Variants in ITGA9 observed in about 807,000 individuals in gnomAD.
The protein encoded by ITGA9 is integrin alpha-9.
In ITGA9, 56 loss-of-function variants were observed where a neutral mutation model predicts 127.8. That is an observed-to-expected ratio of 0.44 (90% CI 0.35 to 0.55). ITGA9 has a LOEUF of 0.55. ITGA9 is among the 20% of genes least tolerant of loss of function. The pLI is 0.00. For synonymous variants in ITGA9, 508 were observed against 514.5 expected, an observed-to-expected ratio of 0.99 and a Z score of 0.17; for missense variants, 1,196 against 1,347.1, an observed-to-expected ratio of 0.89 and a Z score of 1.76.
intron 8 of ITGA9, among the ~76,000 whole-genome samples, chr3:37,509,398 G>A (rs1268552151): frequency 1.3e-5 from 2 of 152,030 alleles, no homozygotes; most frequent in Non-Finnish European, 2.9e-5. Flanking sequence ...TACTCTAAGG[G>A]ACACAAGTTT....
At chr3:37,812,112 C>T (rs1171224074) in intron 27 of ITGA9, among the ~76,000 whole-genome samples, 1 of 152,196 alleles carries the variant, frequency 6.6e-6, no homozygotes, top group Non-Finnish European at 1.5e-5. Context: ...TGAACAGACA[C>T]ATGCCCATGT....
chr3:37,727,523 G>C (rs536089875), intron 18 of ITGA9, among the ~76,000 whole-genome samples: 4 of 152,292 alleles, frequency 2.6e-5, no homozygotes, highest in African/African-American at 9.6e-5. Flanking sequence ...TTATTCAGTG[G>C]CACTCAAAAC....
intron 17 of ITGA9, among the ~76,000 whole-genome samples, chr3:37,683,560 G>A (rs1022722367): frequency 1.3e-5 from 2 of 152,334 alleles, no homozygotes; most frequent in East Asian, 3.9e-4. Flanking sequence ...ATGAATTCAT[G>A]TACAAATGAA....
intron 15 of ITGA9, among the ~76,000 whole-genome samples, chr3:37,599,938 A>G (rs1699901872): frequency 6.6e-6 from 1 of 152,204 alleles, no homozygotes; most frequent in African/African-American, 2.4e-5. Flanking sequence ...TAATGGTATA[A>G]TATGAACTCA....
chr3:37,729,203 G>C (rs144548807), intron 18 of ITGA9, among the ~76,000 whole-genome samples: 1 of 152,256 alleles, frequency 6.6e-6, no homozygotes, highest in Admixed American at 6.5e-5. Flanking sequence ...AATCACAGTA[G>C]TAGAAGAGAG....
rs556982716 is a variant in ITGA9, at chr3:37,799,370, G to A, written c.2890-4453G>A. Among the ~76,000 whole-genome samples, 8 of 152,102 alleles carry A rather than the reference G, an allele frequency of 5.3e-5. No individual in the cohort carries two copies. The South Asian group carries it at 8.3e-4, about 16-fold the overall frequency. On this transcript the variant is annotated intron_variant, in intron 26 of 27. Coordinates refer to ENST00000264741, the MANE Select transcript of ITGA9 (RefSeq NM_002207.3). The surrounding 1 kb of genome is among the most constrained non-coding windows in gnomAD (Gnocchi z 4.0). ...ATTTTTGTATTTTTAGTAGACACGA[G>A]GTTTCACCATGTTGGCCAGACTGGT...
intron 17 of ITGA9, among the ~76,000 whole-genome samples, chr3:37,671,060 G>C (rs1207381265): frequency 6.6e-6 from 1 of 152,244 alleles, no homozygotes; most frequent in Non-Finnish European, 1.5e-5. Context: ...CCCTTGCCGG[G>C]TCAAGTCATA....
chr3:37,578,592 T>C (rs1699675578), intron 15 of ITGA9, among the ~76,000 whole-genome samples: 1 of 152,202 alleles, frequency 6.6e-6, no homozygotes, highest in African/African-American at 2.4e-5. Flanking sequence ...CTTGCTTACA[T>C]CTACTAACTG....
rs781497892 is a variant in ITGA9 at position 37,519,327 on chromosome 3, C to T, written c.1209C>T (p.Ala403=). 57 of 1,613,842 alleles carry T rather than the reference C, an allele frequency of 3.5e-5. No individual in the cohort carries two copies. Among genetic ancestry groups the T allele is most frequent in the South Asian group, 4.4e-5 (4 of 91,062 alleles). ...AGAVYIYHGD[A]GGIVPQYSMK... is the part of the protein sequence containing the mutation. ...CGGTCTATATCTATCATGGTGATGC[C>T]GGTGGGATAGTCCCTCAGTACTCAA... Residue 403 remains alanine (A), a synonymous_variant, in exon 11 of 28, where the codon GCC becomes GCT. Coordinates refer to ENST00000264741, the MANE Select transcript of ITGA9 (RefSeq NM_002207.3).
intron 15 of ITGA9, among the ~76,000 whole-genome samples, chr3:37,574,083 A>G (rs1196464000): frequency 6.6e-6 from 1 of 152,206 alleles, no homozygotes; most frequent in Non-Finnish European, 1.5e-5. Flanking sequence ...ATCCCAGTCA[A>G]TGTCCTGTCT....
intron 16 of ITGA9, among the ~76,000 whole-genome samples, chr3:37,639,492 A>T (rs1169871851): frequency 6.6e-6 from 1 of 152,190 alleles, no homozygotes; most frequent in Admixed American, 6.5e-5. Flanking sequence ...GGGCTGATGG[A>T]TGCTAAAGGT....
Position 37,790,393 on chromosome 3 carries a change from G to A in ITGA9, c.2889+5315G>A, listed in dbSNP as rs188006834. 3 of 481,820 alleles carry A rather than the reference G, an allele frequency of 6.2e-6. No homozygotes were observed. The Admixed American group carries it at 6.9e-5, about 11-fold the overall frequency. 29.8% of individuals were successfully genotyped at this position (481,820 alleles called of 1,614,324 possible). Reference sequence around the variant, plus strand: ...CTTCATCTTGCTGATTTCCCATTCTGCTCGGTTCTCTCGGTTGGAATGCCT... The same window carrying A: ...CTTCATCTTGCTGATTTCCCATTCTACTCGGTTCTCTCGGTTGGAATGCCT... On this transcript the variant is annotated intron_variant, in intron 26 of 27. Transcript: ENST00000264741.
chr3:37,779,085 GATTT>G (rs1398992224), intron 24 of ITGA9, among the ~76,000 whole-genome samples: 5 of 152,060 alleles, frequency 3.3e-5, no homozygotes, highest in Admixed American at 3.3e-4. Context: ...TTAAATTTGG[GATTT>G]ATGTTTTTGG....
chr3:37,460,659 G>A (rs181300636), intron 1 of ITGA9, among the ~76,000 whole-genome samples: 181 of 147,470 alleles, frequency 1.2e-3, no homozygotes, highest in Non-Finnish European at 2.1e-3. Context: ...GTGCGATCTC[G>A]GCTCACTGCG....
At chr3:37,502,467 G>A (rs542359160) in intron 5 of ITGA9, among the ~76,000 whole-genome samples, 8 of 151,974 alleles carry the variant, frequency 5.3e-5, no homozygotes, top group East Asian at 3.9e-4. Flanking sequence ...CACCCGCCTC[G>A]GCCTCCCAAA....
chr3:37,584,317 C>G (rs1467967166), intron 15 of ITGA9, among the ~76,000 whole-genome samples: 1 of 152,170 alleles, frequency 6.6e-6, no homozygotes, highest in African/African-American at 2.4e-5. Flanking sequence ...AGAACTGGCA[C>G]TATCACTTCT....
intron 15 of ITGA9, among the ~76,000 whole-genome samples, chr3:37,573,698 T>C (rs1399267316): frequency 6.6e-6 from 1 of 152,178 alleles, no homozygotes. Flanking sequence ...TTCTGTGATC[T>C]GGCAATAGCT....
In ITGA9 at chr3:37,452,448, TC is replaced by T. The variant is rs1698202188; in HGVS notation, c.78del (p.Ala27ArgfsTer52). 7.4e-6 allele frequency: 11 copies of T among 1,479,128 alleles called. No homozygotes were observed. The highest frequency in any genetic ancestry group is 9.0e-6 in the Non-Finnish European group (10 of 1,113,878). The allele number at this position is 1,479,128 out of a possible 1,614,324, so 91.6% of individuals were successfully genotyped here. On this transcript the variant is annotated frameshift_variant, in exon 1 of 28. Coordinates refer to ENST00000264741, the MANE Select transcript of ITGA9 (RefSeq NM_002207.3). LOFTEE classifies it high-confidence loss of function. The surrounding 1 kb of genome is among the most constrained non-coding windows in gnomAD (Gnocchi z 7.3). ...CTGCTGGCGCTGGTGGTCGCGGGGA[TC>T]CCCGCGGGCGCCTACAACCTCGACC... Reference protein sequence around the residue: ...ALLLALVVAGIPAGAYNLDPQ... With the variant: ...ALLLALVVAGXPAGAYNLDPQ...
intron 18 of ITGA9, among the ~76,000 whole-genome samples, chr3:37,706,021 CAAAA>C: frequency 6.6e-6 from 1 of 152,158 alleles, no homozygotes; most frequent in African/African-American, 2.4e-5. Flanking sequence ...TTGGAGGCAG[CAAAA>C]AGTGGAAAGA....
Sources: gnomAD v4.1 joint callset for allele counts (sites outside exome capture counted in the v4.1 genomes callset) on GRCh38, gnomAD v4.1.1 for gene constraint, Gnocchi (gnomAD v3.1) non-coding constraint, MANE v1.5 for transcripts, NCBI Gene and HGNC (gene_info 2026-07-23, HGNC 2026-07-21) for gene names.